Variants in DLG2 observed in about 807,000 individuals in gnomAD.
DLG2 encodes the protein discs large MAGUK scaffold protein 2.
DLG2 carries 45 observed loss-of-function variants against 132.5 expected under a neutral mutation model. That is an observed-to-expected ratio of 0.34 (90% CI 0.27 to 0.44). The LOEUF is 0.44. DLG2 is among the 20% of genes least tolerant of loss of function. The pLI, the probability that DLG2 is intolerant of heterozygous loss-of-function variation, is 1.00. For missense variants in DLG2, 1,045 were observed against 1,196.9 expected (o/e 0.87, Z 1.87); for synonymous variants, 424 against 419.6 (o/e 1.01, Z -0.13).
At chr11:85,362,791 CA>C (rs2084264298) in intron 3 of DLG2, among the ~76,000 whole-genome samples, 1 of 151,784 alleles carries the variant, frequency 6.6e-6, no homozygotes, top group Admixed American at 6.6e-5. Context: ...AATGAAAAAA[CA>C]AAAATGACTC....
chr11:85,525,445 A>C (rs1021533211), intron 3 of DLG2, among the ~76,000 whole-genome samples: 7 of 152,302 alleles, frequency 4.6e-5, no homozygotes, highest in African/African-American at 1.7e-4. Flanking sequence ...TAAAGCATGA[A>C]AAAGAAAAAT....
intron 6 of DLG2, among the ~76,000 whole-genome samples, chr11:84,605,533 T>C (rs2099583965): frequency 6.6e-6 from 1 of 151,230 alleles, no homozygotes. Context: ...CTATTCAACA[T>C]CTTTGCATAT....
rs546440753 is a variant in DLG2 at position 83,910,126 on chromosome 11, T to C, written c.1496+20202A>G. Among the ~76,000 whole-genome samples the C allele has an allele frequency of 2.2e-4, 34 of 152,266 alleles. No individual in the cohort carries two copies. In the South Asian group the frequency reaches 7.0e-3, roughly 32 times the overall value. ...TAAATCAACCAAGTGAAGTGGAGTG[T>C]AGACTACATTGAAAAGTTGGACTGA... On this transcript the variant is annotated intron_variant, in intron 15 of 27. Transcript: ENST00000376104.
intron 3 of DLG2, among the ~76,000 whole-genome samples, chr11:85,528,199 T>C (rs191912353): frequency 3.9e-5 from 6 of 152,362 alleles, no homozygotes; most frequent in Non-Finnish European, 7.3e-5. Flanking sequence ...TTAGATCCCA[T>C]TTGTCAATTT....
At chr11:84,871,871 C>T (rs1274675701) in intron 6 of DLG2, among the ~76,000 whole-genome samples, 3 of 152,118 alleles carry the variant, frequency 2.0e-5, no homozygotes, top group Non-Finnish European at 4.4e-5. Context: ...GACGGGGTTT[C>T]ACCATGTTGG....
intron 18 of DLG2, among the ~76,000 whole-genome samples, chr11:83,762,201 A>C (rs115591451): frequency 6.6e-6 from 1 of 151,766 alleles, no homozygotes; most frequent in Non-Finnish European, 1.5e-5. Flanking sequence ...GCCCTGCCAA[A>C]TTAAATGTCT....
At chr11:83,937,507 C>CAAAAAAAAAAAAAAAAAAAAAAAAAA (rs11313794) in intron 14 of DLG2, among the ~76,000 whole-genome samples, 1 of 73,810 alleles carries the variant, frequency 1.4e-5, no homozygotes, top group Non-Finnish European at 2.8e-5. Flanking sequence ...GACTCCATCT[C>CAAAAAAAAAAAAAAAAAAAAAAAAAA]AAAAAAAAAA....
chr11:85,566,307 T>C (rs1311562586), intron 3 of DLG2, among the ~76,000 whole-genome samples: 2 of 152,138 alleles, frequency 1.3e-5, no homozygotes, highest in African/African-American at 4.8e-5. Flanking sequence ...CCTTTTAACT[T>C]TCCTTTGAAG....
chr11:84,476,925 T>C (rs542939449), intron 7 of DLG2, among the ~76,000 whole-genome samples: 2 of 152,188 alleles, frequency 1.3e-5, no homozygotes, highest in African/African-American at 4.8e-5. Context: ...CACAGAAGCA[T>C]GAGAGATAAT....
At chr11:84,528,027 A>G (rs913274948) in intron 7 of DLG2, among the ~76,000 whole-genome samples, 2 of 152,012 alleles carry the variant, frequency 1.3e-5, no homozygotes, top group African/African-American at 4.8e-5. Flanking sequence ...CGGAATAATA[A>G]TAAGTAACAA....
intron 6 of DLG2, among the ~76,000 whole-genome samples, chr11:84,911,538 T>C (rs983730123): frequency 1.3e-5 from 2 of 152,080 alleles, no homozygotes; most frequent in African/African-American, 2.4e-5. Context: ...TTAAGCTTTT[T>C]TACATGCTCC....
At chr11:85,615,424 G>C (rs1187456520) in intron 2 of DLG2, among the ~76,000 whole-genome samples, 1 of 152,092 alleles carries the variant, frequency 6.6e-6, no homozygotes, top group African/African-American at 2.4e-5. Flanking sequence ...GGCTGAGGCA[G>C]GAGAATCGCT....
intron 7 of DLG2, among the ~76,000 whole-genome samples, chr11:84,496,188 A>C (rs934024425): frequency 4.6e-5 from 7 of 152,184 alleles, no homozygotes; most frequent in African/African-American, 1.7e-4. Flanking sequence ...CACCATCGTG[A>C]ACCTCAAAGT....
intron 8 of DLG2, among the ~76,000 whole-genome samples, chr11:84,228,764 C>T (rs2097047075): frequency 6.6e-6 from 1 of 152,164 alleles, no homozygotes; most frequent in Non-Finnish European, 1.5e-5. Flanking sequence ...ACTGCTTATG[C>T]TAATTTCAGC....
chr11:84,243,204 C>T (rs999768977), intron 8 of DLG2, among the ~76,000 whole-genome samples: 1 of 152,100 alleles, frequency 6.6e-6, no homozygotes, highest in African/African-American at 2.4e-5. Flanking sequence ...TAATACAATA[C>T]CCATTAGCCC....
At chr11:84,527,067 C>T (rs191919385) in intron 7 of DLG2, among the ~76,000 whole-genome samples, 5 of 152,048 alleles carry the variant, frequency 3.3e-5, no homozygotes, top group African/African-American at 4.8e-5. Context: ...CGTGAGCCAC[C>T]GCTCCCGGCC....
At chr11:84,537,199 C>T (rs1233896513) in intron 6 of DLG2, among the ~76,000 whole-genome samples, 3 of 152,110 alleles carry the variant, frequency 2.0e-5, no homozygotes, top group South Asian at 2.1e-4. Context: ...CTCTGCTTCC[C>T]GAGTTCGAGC....
intron 19 of DLG2, among the ~76,000 whole-genome samples, chr11:83,547,247 A>G (rs2096264869): frequency 6.6e-6 from 1 of 152,144 alleles, no homozygotes; most frequent in Non-Finnish European, 1.5e-5. Flanking sequence ...ATAGTTAACA[A>G]GGATATGATA....
intron 7 of DLG2, among the ~76,000 whole-genome samples, chr11:84,407,240 C>T (rs148507019): frequency 0.014 from 2,177 of 152,122 alleles, 57 homozygotes; most frequent in African/African-American, 0.05. Flanking sequence ...CCCCACCCCT[C>T]CCATTTCTCC....
Sources: allele counts gnomAD v4.1 joint callset (sites outside exome capture counted in the v4.1 genomes callset), GRCh38; gene constraint gnomAD v4.1.1; transcripts MANE v1.5; gene names NCBI Gene and HGNC (gene_info 2026-07-23, HGNC 2026-07-21).